Variants in CDH4 observed in about 807,000 individuals in gnomAD.
CDH4 encodes the protein cadherin-4.
Under a neutral mutation model 86.0 loss-of-function variants are expected in CDH4, and 33 were observed. That is an observed-to-expected ratio of 0.38 (90% CI 0.29 to 0.51). The LOEUF is 0.51. Among genes scored for constraint, CDH4 ranks in the 20% least tolerant of loss-of-function variants. CDH4 has a pLI of 0.86. For missense variants in CDH4, 1,114 were observed against 1,307.4 expected (o/e 0.85, Z 2.28); for synonymous variants, 555 against 549.4 (o/e 1.01, Z -0.14).
chr20:61,677,119 T>C (rs1412665743), intron 2 of CDH4, among the ~76,000 whole-genome samples: 1 of 151,876 alleles, frequency 6.6e-6, no homozygotes, highest in Non-Finnish European at 1.5e-5. Context: ...AGCCTTGGAG[T>C]TGAGGACCCC....
chr20:61,305,706 A>G (rs538265935), intron 2 of CDH4, among the ~76,000 whole-genome samples: 2 of 152,180 alleles, frequency 1.3e-5, no homozygotes, highest in Non-Finnish European at 2.9e-5. Context: ...CGTGCACCTA[A>G]GTGGCTGGGT....
At chr20:61,307,638 C>T (rs1193312448) in intron 2 of CDH4, among the ~76,000 whole-genome samples, 1 of 152,244 alleles carries the variant, frequency 6.6e-6, no homozygotes, top group Non-Finnish European at 1.5e-5. Flanking sequence ...CTACTGGCTT[C>T]TTGGGATTTG....
chr20:61,502,737 G>T (rs540340924), intron 2 of CDH4, among the ~76,000 whole-genome samples: 2 of 152,302 alleles, frequency 1.3e-5, no homozygotes, highest in South Asian at 2.1e-4. Flanking sequence ...AGAAACTGCC[G>T]TTATTTTCTT....
intron 2 of CDH4, among the ~76,000 whole-genome samples, chr20:61,260,559 G>A (rs2084122752): frequency 6.6e-6 from 1 of 152,184 alleles, no homozygotes; most frequent in Admixed American, 6.5e-5. Flanking sequence ...TGAAGGCTGG[G>A]TGGGACTCAG....
chr20:61,744,473 ATGG>A (rs2088387130), intron 3 of CDH4, among the ~76,000 whole-genome samples: 1 of 31,566 alleles, frequency 3.2e-5, no homozygotes. Flanking sequence ...AGGGAGAGAG[ATGG>A]AGAGAGGTGG....
intron 15 of CDH4, 60 bp from the exon 16 acceptor site, chr20:61,936,677 T>C: frequency 7.2e-7 from 1 of 1,391,518 alleles, no homozygotes; most frequent in African/African-American, 1.5e-5. Flanking sequence ...TTCCGTTCCA[T>C]CTGATCCCGG....
At chr20:61,380,589 G>A (rs4558657) in intron 2 of CDH4, among the ~76,000 whole-genome samples, 36,915 of 150,748 alleles carry the variant, frequency 0.24, 4,898 homozygotes, top group African/African-American at 0.34. Flanking sequence ...AGCAAGTTGC[G>A]ATGATGAGAA....
Position 61,377,618 on chromosome 20 carries a change from G to A in CDH4, c.169+122681G>A, listed in dbSNP as rs1236861530. The stretch of plus-strand genomic sequence containing the variant: ...TCGCTTTAGCTTTCAAACAACTGTA[G>A]TGTCTTTAACTTTATCTGAAGAACG... On this transcript the variant is annotated intron_variant, in intron 2 of 15. Transcript: ENST00000614565. The surrounding 1 kb of genome is among the most constrained non-coding windows in gnomAD (Gnocchi z 4.0). 6.6e-6 allele frequency among the ~76,000 whole-genome samples: 1 copy of A among 152,180 alleles called. No individual in the cohort carries two copies. Among genetic ancestry groups the A allele is most frequent in the African/African-American group, 2.4e-5 (1 of 41,442 alleles).
chr20:61,652,978 T>C, intron 2 of CDH4, among the ~76,000 whole-genome samples: 1 of 107,760 alleles, frequency 9.3e-6, no homozygotes, highest in Non-Finnish European at 2.2e-5. Context: ...TGGGTGTTTC[T>C]CGCAGAGGGG....
chr20:61,557,996 T>C (rs951142067), intron 2 of CDH4, among the ~76,000 whole-genome samples: 9 of 152,184 alleles, frequency 5.9e-5, no homozygotes, highest in African/African-American at 1.9e-4. Context: ...GGTTGGGGTT[T>C]GTGCTGAAAT....
intron 2 of CDH4, among the ~76,000 whole-genome samples, chr20:61,575,504 T>A (rs1050620779): frequency 3.3e-5 from 5 of 152,240 alleles, no homozygotes; most frequent in African/African-American, 1.2e-4. Flanking sequence ...TTTAAATCTC[T>A]TCGTGACAGT....
At chr20:61,543,443 C>T (rs2086054899) in intron 2 of CDH4, among the ~76,000 whole-genome samples, 1 of 152,208 alleles carries the variant, frequency 6.6e-6, no homozygotes, top group Admixed American at 6.5e-5. Context: ...GTTTGGTTGG[C>T]AGTACTTGGT....
chr20:61,358,304 G>A (rs1247984234), intron 2 of CDH4, among the ~76,000 whole-genome samples: 3 of 152,062 alleles, frequency 2.0e-5, no homozygotes, highest in Non-Finnish European at 2.9e-5. Flanking sequence ...CTTATTTCCC[G>A]AGGCACCAAG....
At chr20:61,666,872 G>A (rs953929138) in intron 2 of CDH4, among the ~76,000 whole-genome samples, 2 of 152,236 alleles carry the variant, frequency 1.3e-5, no homozygotes, top group Non-Finnish European at 2.9e-5. Context: ...CCCAGCTTCC[G>A]CTTCCCCTGG....
intron 8 of CDH4, 60 bp downstream of exon 8, chr20:61,895,107 G>T (rs1397717900): frequency 6.4e-7 from 1 of 1,569,192 alleles, no homozygotes; most frequent in African/African-American, 1.4e-5. Flanking sequence ...ATGCACTGGC[G>T]TGCGGCACAG....
At position 61,612,341 on chromosome 20, in the gene CDH4, A is replaced by G. The variant is rs75007515; in HGVS notation, c.170-131222A>G. Among the ~76,000 whole-genome samples the G allele has an allele frequency of 3.2e-3, 486 of 152,236 alleles. 2 individuals are homozygous for G. Among genetic ancestry groups the G allele is most frequent in the Non-Finnish European group, 4.6e-3 (315 of 68,026 alleles). ...GGTCTTATTTCTTCTGTCAAACTGT[A>G]TATTTGTAACCAATAATCAACCTCT... On this transcript the variant is annotated intron_variant, in intron 2 of 15. Coordinates refer to ENST00000614565, the MANE Select transcript of CDH4 (RefSeq NM_001794.5).
chr20:61,549,063 G>C (rs2086109140), intron 2 of CDH4, among the ~76,000 whole-genome samples: 1 of 152,174 alleles, frequency 6.6e-6, no homozygotes, highest in Non-Finnish European at 1.5e-5. Flanking sequence ...TATCTAAGCA[G>C]TGTCATTCTG....
intron 4 of CDH4, among the ~76,000 whole-genome samples, chr20:61,832,195 G>C (rs1057093351): frequency 6.6e-6 from 1 of 152,260 alleles, no homozygotes; most frequent in Non-Finnish European, 1.5e-5. Flanking sequence ...CTGAGGCAGG[G>C]AGCTGGTGGG....
intron 2 of CDH4, among the ~76,000 whole-genome samples, chr20:61,498,788 T>G (rs1316798515): frequency 6.6e-6 from 1 of 152,088 alleles, no homozygotes; most frequent in Non-Finnish European, 1.5e-5. Context: ...TCATAACGTT[T>G]TAAGAAAGGT....
Sources: gnomAD v4.1 joint callset for allele counts (sites outside exome capture counted in the v4.1 genomes callset) on GRCh38, gnomAD v4.1.1 for gene constraint, Gnocchi (gnomAD v3.1) non-coding constraint, MANE v1.5 for transcripts, NCBI Gene and HGNC (gene_info 2026-07-23, HGNC 2026-07-21) for gene names.